The following LOC128125817 variants were observed in gnomAD, a reference collection of about 807,000 sequenced individuals.
At chr1:41,592,080 CA>C in the LOC128125817 span, among the ~76,000 whole-genome samples, 1 of 152,182 alleles carries the variant, frequency 6.6e-6, no homozygotes, top group Non-Finnish European at 1.5e-5. Context: ...TGGTGAGAGC[CA>C]GGGGGCTGAG....
chr1:41,588,052 G>A, the LOC128125817 span, among the ~76,000 whole-genome samples: 4 of 152,152 alleles, frequency 2.6e-5, no homozygotes, highest in Non-Finnish European at 5.9e-5. Context: ...CGGGGAACTC[G>A]TCCTGGCAGC....
chr1:41,588,623 C>A, the LOC128125817 span, among the ~76,000 whole-genome samples: 1 of 152,102 alleles, frequency 6.6e-6, no homozygotes, highest in Admixed American at 6.5e-5. Flanking sequence ...GTCCAGCCTG[C>A]ACCTGTGGGC....
At chr1:41,628,769 C>A in the LOC128125817 span, 3 of 1,232,228 alleles carry the variant, frequency 2.4e-6, no homozygotes, top group East Asian at 6.3e-5. Context: ...GGCACCACTT[C>A]CGATGACCAA....
the LOC128125817 span, among the ~76,000 whole-genome samples, chr1:41,595,714 CATCTA>C: frequency 6.6e-6 from 1 of 152,102 alleles, no homozygotes; most frequent in African/African-American, 2.4e-5. Context: ...GGGTGGGCAC[CATCTA>C]ATCAGCTGCC....
At chr1:41,596,908 A>G in the LOC128125817 span, among the ~76,000 whole-genome samples, 1 of 152,108 alleles carries the variant, frequency 6.6e-6, no homozygotes, top group Admixed American at 6.5e-5. Context: ...ACTTGCATCA[A>G]AGTCCTCCCT....
At chr1:41,626,997 C>T in the LOC128125817 span, among the ~76,000 whole-genome samples, 1 of 152,216 alleles carries the variant, frequency 6.6e-6, no homozygotes, top group Non-Finnish European at 1.5e-5. Flanking sequence ...CAGGACCAGA[C>T]TCACTGAGGT....
the LOC128125817 span, among the ~76,000 whole-genome samples, chr1:41,588,233 G>A: frequency 6.6e-6 from 1 of 152,136 alleles, no homozygotes; most frequent in Admixed American, 6.5e-5. Flanking sequence ...TGCTATGTGT[G>A]GATAATCAAG....
the LOC128125817 span, among the ~76,000 whole-genome samples, chr1:41,594,858 CTTCTT>C: frequency 6.6e-6 from 1 of 152,254 alleles, no homozygotes; most frequent in East Asian, 1.9e-4. Context: ...CCTTTCCTCT[CTTCTT>C]TCCTTTCCAT....
the LOC128125817 span, among the ~76,000 whole-genome samples, chr1:41,605,284 C>T: frequency 2.0e-5 from 3 of 151,646 alleles, no homozygotes; most frequent in Non-Finnish European, 4.4e-5. Flanking sequence ...TGGGTATTTA[C>T]TCCGAAGGGG....
chr1:41,612,691 CT>C, the LOC128125817 span, among the ~76,000 whole-genome samples: 2 of 152,180 alleles, frequency 1.3e-5, no homozygotes, highest in African/African-American at 4.8e-5. Context: ...CTATCCTTTG[CT>C]TGGACAAATA....
At chr1:41,620,723 G>A in the LOC128125817 span, among the ~76,000 whole-genome samples, 1 of 152,122 alleles carries the variant, frequency 6.6e-6, no homozygotes, top group Admixed American at 6.5e-5. Context: ...CTTCAGGCTT[G>A]CGACACTAGT....
chr1:41,628,710 G>T, the LOC128125817 span: 7 of 1,215,434 alleles, frequency 5.8e-6, no homozygotes, highest in South Asian at 8.3e-5. Context: ...CCAACATGGC[G>T]CCTGGCAAGC....
chr1:41,595,906 C>G, the LOC128125817 span, among the ~76,000 whole-genome samples: 2 of 152,132 alleles, frequency 1.3e-5, no homozygotes, highest in Admixed American at 1.3e-4. Flanking sequence ...ATTGTGGGAC[C>G]TCACCTTGTG....
the LOC128125817 span, among the ~76,000 whole-genome samples, chr1:41,597,283 T>C: frequency 2.0e-5 from 3 of 152,160 alleles, no homozygotes; most frequent in African/African-American, 7.2e-5. Context: ...GACATCCCCA[T>C]AGAAAGCAAA....
the LOC128125817 span, among the ~76,000 whole-genome samples, chr1:41,596,820 G>A: frequency 2.6e-5 from 4 of 152,262 alleles, no homozygotes; most frequent in African/African-American, 9.6e-5. Context: ...CAGAATGACC[G>A]AGTGGATCCT....
the LOC128125817 span, among the ~76,000 whole-genome samples, chr1:41,604,909 G>A: frequency 6.6e-6 from 1 of 151,958 alleles, no homozygotes; most frequent in South Asian, 2.1e-4. Flanking sequence ...TTCGAGACCA[G>A]CTTGGGCAAT....
At chr1:41,595,015 G>A in the LOC128125817 span, among the ~76,000 whole-genome samples, 1 of 152,094 alleles carries the variant, frequency 6.6e-6, no homozygotes, top group Non-Finnish European at 1.5e-5. Flanking sequence ...AAATGTCTGT[G>A]GTGTCTGATA....
At chr1:41,590,178 A>T in the LOC128125817 span, among the ~76,000 whole-genome samples, 4 of 152,214 alleles carry the variant, frequency 2.6e-5, no homozygotes, top group African/African-American at 9.6e-5. Context: ...GGGTCTGGAG[A>T]CTAACAGGGA....
the LOC128125817 span, among the ~76,000 whole-genome samples, chr1:41,604,443 A>C: frequency 6.6e-6 from 1 of 152,240 alleles, no homozygotes; most frequent in Non-Finnish European, 1.5e-5. Flanking sequence ...CCGTGTGATG[A>C]TGTGAATGTG....
Sources: gnomAD v4.1 joint callset for allele counts (sites outside exome capture counted in the v4.1 genomes callset) on GRCh38, gnomAD v4.1.1 for gene constraint, MANE v1.5 for transcripts.